Variants in PCGF3 observed in about 807,000 individuals in gnomAD.
PCGF3 encodes polycomb group ring finger 3.
A neutral mutation model predicts 33.1 loss-of-function variants in PCGF3; 7 were observed. The ratio of observed to expected loss-of-function variants is 0.21; its 90% CI spans 0.12 to 0.40. The LOEUF (loss-of-function observed/expected upper bound fraction) is 0.40. Ranked by LOEUF, PCGF3 falls within the 10% of genes least tolerant of loss-of-function variation. The probability of loss-of-function intolerance (pLI) is 1.00; values close to 1 mark genes in which losing one functional copy is unlikely to be tolerated. For missense variants in PCGF3, 211 were observed against 313.3 expected (o/e 0.67, Z 2.46); for synonymous variants, 153 against 121.3 (o/e 1.26, Z -1.72).
chr4:738,956 C>A (rs1046994704), intron 6 of PCGF3, among the ~76,000 whole-genome samples: 1 of 152,130 alleles, frequency 6.6e-6, no homozygotes, highest in Non-Finnish European at 1.5e-5. Context: ...GTGACCACCA[C>A]CCCCCGCCAG....
chr4:756,672 G>T (rs2152613221), intron 8 of PCGF3, among the ~76,000 whole-genome samples: 1 of 152,080 alleles, frequency 6.6e-6, no homozygotes, highest in South Asian at 2.1e-4. Flanking sequence ...CAGGTGTGTG[G>T]TTCAGTGGCC....
intron 1 of PCGF3, among the ~76,000 whole-genome samples, chr4:718,416 C>T (rs963755867): frequency 6.6e-6 from 1 of 152,186 alleles, no homozygotes. Flanking sequence ...TAGTGACTCT[C>T]ATCTGGGGTC....
chr4:751,518 C>T lies in PCGF3; in HGVS notation c.462+6830C>T, dbSNP rs549598622. On this transcript the variant is annotated intron_variant, in intron 8 of 10. Transcript: ENST00000362003. ...TGCCGGTCACGGGCTGTGTGTTGTC[C>T]CCCTCACACCAGAGACAGTCGTTTC... Among the ~76,000 whole-genome samples, 17 of 152,178 alleles carry T rather than the reference C, an allele frequency of 1.1e-4. No individual in the cohort carries two copies. The South Asian group carries it at 3.5e-3, about 32-fold the overall frequency.
At chr4:764,848 GC>G (rs3834219) in intron 9 of PCGF3, 135 bp from the exon 10 acceptor site, 26 of 622,002 alleles carry the variant, frequency 4.2e-5, no homozygotes, top group Admixed American at 7.7e-5. Flanking sequence ...ACATGAACCA[GC>G]CCCCCCCACC....
chr4:768,394 C>T (rs1745473286), exon 11 of PCGF3: 1 of 152,232 alleles, frequency 6.6e-6, no homozygotes, highest in Non-Finnish European at 1.5e-5. Context: ...TTTCTGTCAA[C>T]CTCTCATTTC....
chr4:753,302 G>A (rs1367256407), intron 8 of PCGF3, among the ~76,000 whole-genome samples: 1 of 152,158 alleles, frequency 6.6e-6, no homozygotes, highest in African/African-American at 2.4e-5. Context: ...TCCCAACTCA[G>A]CCTCCCGAGT....
chr4:734,991 T>C, exon 5 of PCGF3: 3 of 1,613,466 alleles, frequency 1.9e-6, no homozygotes, highest in Non-Finnish European at 2.5e-6. Context: ...ACCTGCAGGA[T>C]TGTGATCCAC....
chr4:738,918 C>T (rs1435540872), intron 6 of PCGF3, among the ~76,000 whole-genome samples: 1 of 152,034 alleles, frequency 6.6e-6, no homozygotes, highest in Non-Finnish European at 1.5e-5. Context: ...TAGCAGTGGG[C>T]GGGATCGGGG....
intron 9 of PCGF3, chr4:761,861 C>T (rs1010313032): frequency 1.3e-5 from 13 of 985,240 alleles, no homozygotes; most frequent in Non-Finnish European, 1.2e-5. Context: ...TCCCTGTGAG[C>T]CCCCAAGGCA....
At chr4:760,163 G>A (rs1744970615) in intron 8 of PCGF3, among the ~76,000 whole-genome samples, 1 of 152,212 alleles carries the variant, frequency 6.6e-6, no homozygotes, top group Non-Finnish European at 1.5e-5. Context: ...GTCGGAGTGG[G>A]TATTTCTTGT....
chr4:733,928 A>G, intron 4 of PCGF3, 139 bp downstream of exon 4: 1 of 1,560,454 alleles, frequency 6.4e-7, no homozygotes, highest in Non-Finnish European at 8.7e-7. Flanking sequence ...GGCAGAGACG[A>G]TCTTGAAGAT....
chr4:706,658 G>A (rs1400312426), intron 1 of PCGF3, among the ~76,000 whole-genome samples: 5 of 107,804 alleles, frequency 4.6e-5, no homozygotes, highest in South Asian at 3.4e-4. Flanking sequence ...CAGGGAGGGC[G>A]AAGACCCCAG....
chr4:749,476 C>CTTTTTTTTTTTTTTTTTTTTTTTT (rs71640348), intron 8 of PCGF3, among the ~76,000 whole-genome samples: 4 of 75,482 alleles, frequency 5.3e-5, no homozygotes, highest in African/African-American at 1.1e-4. Flanking sequence ...ATTTTCTTTC[C>CTTTTTTTTTTTTTTTTTTTTTTTT]TTTTTTTTTT....
At chr4:742,973 G>C (rs1744157956) in intron 6 of PCGF3, among the ~76,000 whole-genome samples, 1 of 152,228 alleles carries the variant, frequency 6.6e-6, no homozygotes. Flanking sequence ...GGGTACCTGT[G>C]AGCCGGCAGG....
intron 4 of PCGF3, chr4:734,183 A>G (rs1414779685): frequency 6.5e-7 from 1 of 1,541,846 alleles, no homozygotes; most frequent in Admixed American, 2.0e-5. Context: ...ACACCTGATG[A>G]GTCTGTGCTT....
chr4:749,687 A>G (rs1282769636), intron 8 of PCGF3, among the ~76,000 whole-genome samples: 2 of 151,878 alleles, frequency 1.3e-5, no homozygotes, highest in Non-Finnish European at 2.9e-5. Flanking sequence ...GGGTTTCACC[A>G]TGTTGGCCAG....
At chr4:760,955 G>T (rs1745021901) in intron 8 of PCGF3, among the ~76,000 whole-genome samples, 1 of 152,228 alleles carries the variant, frequency 6.6e-6, no homozygotes, top group African/African-American at 2.4e-5. Flanking sequence ...CGCCATGTTT[G>T]TCCGGACAGG....
In PCGF3 at chr4:714,517, G is replaced by A. The variant is rs944275904; in HGVS notation, c.-190+8547G>A. Among the ~76,000 whole-genome samples, 17 of 152,338 alleles carry A rather than the reference G, an allele frequency of 1.1e-4. 1 individual carries two copies. The highest frequency in any genetic ancestry group is 7.7e-4 in the East Asian group (4 of 5,176). On this transcript the variant is annotated intron_variant, in intron 1 of 10. Coordinates refer to ENST00000362003, the Ensembl canonical transcript of PCGF3. ...CTTCACGGCGTTACCTGATTTTCAG[G>A]CCGCCTTACCTCTTCCCAGCTGTCT...
At position 756,006 on chromosome 4, in the gene PCGF3, G is replaced by A. The variant is rs188546328; in HGVS notation, c.463-5273G>A. 5.6e-4 allele frequency among the ~76,000 whole-genome samples: 76 copies of A among 135,660 alleles called. 1 individual carries two copies. The highest frequency in any genetic ancestry group is 2.8e-3 in the Admixed American group (34 of 11,984). 89.0% of individuals were successfully genotyped at this position (135,660 alleles called of 152,430 possible). Reference sequence around the variant, plus strand: ...TGGCTCACCGCAACCTCCACCTCCCGGGTTCAAGCGATTCTTCTGTCTCAG... The same window carrying A: ...TGGCTCACCGCAACCTCCACCTCCCAGGTTCAAGCGATTCTTCTGTCTCAG... On this transcript the variant is annotated intron_variant, in intron 8 of 10. Coordinates refer to ENST00000362003, the Ensembl canonical transcript of PCGF3.
Sources: allele counts gnomAD v4.1 joint callset (sites outside exome capture counted in the v4.1 genomes callset), GRCh38; gene constraint gnomAD v4.1.1; transcripts MANE v1.5; gene names NCBI Gene and HGNC (gene_info 2026-07-23, HGNC 2026-07-21).